The following TRIP12 variants were observed in gnomAD, a reference collection of about 807,000 sequenced individuals.
The protein encoded by TRIP12 is E3 ubiquitin-protein ligase TRIP12.
Under a neutral mutation model 244.2 loss-of-function variants are expected in TRIP12, and 25 were observed. The observed-to-expected ratio is 0.10, with a 90% CI of 0.07 to 0.14. The LOEUF is 0.14. TRIP12 is among the 10% of genes least tolerant of loss of function. The pLI is 1.00. For missense variants in TRIP12, 1,677 were observed against 2,486.4 expected (o/e 0.67, Z 6.92); for synonymous variants, 905 against 873.1 (o/e 1.04, Z -0.64).
At position 229,778,584 on chromosome 2, in the gene TRIP12, C is replaced by T; in HGVS notation, c.5213G>A (p.Ser1738Asn). ...TTGAATATACTTGGTCCCTTCTTGG[C>T]TCCCTGAAAAACAAGCAATGCAGCA... is the stretch of plus-strand genomic sequence containing the variant. Reference protein sequence around the residue: ...EEVTLSNPKGSQEGTKYIQNL... With the variant: ...EEVTLSNPKGNQEGTKYIQNL... The change falls in exon 36 of 42, where the codon AGC (serine) becomes AAC (asparagine). Residue 1738 changes from serine to asparagine, a missense_variant. Physicochemically the swap from Ser to Asn is conservative, Grantham distance 46. Around this residue, in one of 11 missense-constraint regions of TRIP12, gnomAD observed 18 missense variants for 16.8 expected, o/e 1.07. Coordinates refer to ENST00000675903, the MANE Select transcript of TRIP12 (RefSeq NM_001348323.3). The surrounding 1 kb of genome is among the most constrained non-coding windows in gnomAD (Gnocchi z 4.1). The T allele has an allele frequency of 6.2e-7, 1 of 1,609,494 alleles. No individual in the cohort carries two copies. Among genetic ancestry groups the T allele is most frequent in the Non-Finnish European group, 8.5e-7 (1 of 1,177,948 alleles).
At chr2:229,847,825 A>T (rs968225130) in intron 4 of TRIP12, among the ~76,000 whole-genome samples, 2 of 152,204 alleles carry the variant, frequency 1.3e-5, no homozygotes, top group African/African-American at 4.8e-5. Flanking sequence ...TCCTGGTTCC[A>T]GCAAAAAACA....
At position 229,778,716 on chromosome 2, in the gene TRIP12, T is replaced by G; in HGVS notation, c.5210-129A>C. The G allele has an allele frequency of 7.2e-7, 1 of 1,396,690 alleles. No homozygotes were observed. The highest frequency in any genetic ancestry group is 2.3e-5 in the East Asian group (1 of 43,650). The allele number at this position is 1,396,690 out of a possible 1,614,324, so 86.5% of individuals were successfully genotyped here. On this transcript the variant is annotated intron_variant, in intron 35 of 41. Transcript: ENST00000675903. This position sits in a 1 kb window ranked among gnomAD's most constrained non-coding sequence, Gnocchi z 4.1. ...GTGCAGATCACTGAATGAAGTCCTC[T>G]AGAACTGGACAGGCCTTCCCTATTT...
intron 2 of TRIP12, among the ~76,000 whole-genome samples, chr2:229,864,047 A>AGAGAGAGAGAGAGAGTGAGTGTGTGTGT: frequency 1.3e-5 from 1 of 79,292 alleles, no homozygotes; most frequent in Non-Finnish European, 2.5e-5. Flanking sequence ...AGAGAGAGAG[A>AGAGAGAGAGAGAGAGTGAGTGTGTGTGT]GTGTGTGTGT....
intron 4 of TRIP12, among the ~76,000 whole-genome samples, chr2:229,851,569 A>G (rs566336019): frequency 2.6e-5 from 4 of 152,144 alleles, no homozygotes; most frequent in Non-Finnish European, 5.9e-5. Flanking sequence ...CCACACTGGA[A>G]GCTTTGTTCT....
chr2:229,824,407 G>A (rs762036601), intron 8 of TRIP12, among the ~76,000 whole-genome samples: 4 of 151,768 alleles, frequency 2.6e-5, no homozygotes, highest in Middle Eastern at 3.2e-3. Flanking sequence ...CAAAAACATC[G>A]TATGCATTTA....
chr2:229,772,719 C>G (rs1389887697), intron 38 of TRIP12, among the ~76,000 whole-genome samples: 1 of 152,076 alleles, frequency 6.6e-6, no homozygotes, highest in African/African-American at 2.4e-5. Flanking sequence ...GCCTTGGCCT[C>G]CAAAAGTGTT....
chr2:229,902,546 C>CT (rs751041005), intron 1 of TRIP12, among the ~76,000 whole-genome samples: 6 of 152,186 alleles, frequency 3.9e-5, no homozygotes, highest in South Asian at 4.1e-4. Flanking sequence ...CACTCAACTA[C>CT]TTTGAGAAGC....
In TRIP12 at chr2:229,807,622, A is replaced by G. The variant is rs573095949; in HGVS notation, c.2496+86T>C. ...GTTAATTCAAAATCAAGCACATTCA[A>G]ATCCACATATCCACCTCCCCATTCC... is the stretch of plus-strand genomic sequence containing the variant. On this transcript the variant is annotated intron_variant, in intron 17 of 41. Coordinates refer to ENST00000675903, the MANE Select transcript of TRIP12 (RefSeq NM_001348323.3). The G allele has an allele frequency of 1.1e-4, 159 of 1,502,072 alleles. No homozygotes were observed. The East Asian group carries it at 3.1e-3, about 30-fold the overall frequency. The allele number at this position is 1,502,072 out of a possible 1,614,324, so 93.0% of individuals were successfully genotyped here.
intron 2 of TRIP12, among the ~76,000 whole-genome samples, chr2:229,863,097 C>T (rs1458462460): frequency 2.6e-5 from 4 of 151,818 alleles, no homozygotes; most frequent in South Asian, 2.1e-4. Flanking sequence ...GGCATGGTGG[C>T]GCACACCTGT....
At chr2:229,892,199 G>A (rs781426723) in intron 1 of TRIP12, among the ~76,000 whole-genome samples, 10 of 152,214 alleles carry the variant, frequency 6.6e-5, no homozygotes, top group South Asian at 6.2e-4. Context: ...GGAAGGAGTA[G>A]AGGATAATGG....
chr2:229,787,436 C>A (rs528549948), intron 33 of TRIP12, 69 bp downstream of exon 33: 530 of 1,516,640 alleles, frequency 3.5e-4, no homozygotes, highest in Non-Finnish European at 4.5e-4. Context: ...TTTAGATATA[C>A]TACATTTCTA....
chr2:229,822,192 T>C (rs2050251320), intron 8 of TRIP12, among the ~76,000 whole-genome samples: 1 of 152,134 alleles, frequency 6.6e-6, no homozygotes, highest in Non-Finnish European at 1.5e-5. Flanking sequence ...AGTAAGAAGT[T>C]TTGATAAGAT....
intron 32 of TRIP12, among the ~76,000 whole-genome samples, chr2:229,788,371 ACTGT>A (rs2040598137): frequency 6.6e-6 from 1 of 152,032 alleles, no homozygotes; most frequent in Admixed American, 6.5e-5. Context: ...TGTGGAAAAA[ACTGT>A]CTTCCATGAA....
Position 229,818,424 on chromosome 2 carries a change from C to A in TRIP12, c.1539G>T (p.Leu513=). ...LQAVIEMCQL[L]VMGNEETLGG... ...CCAGTGTCTCCTCATTTCCCATGAC[C>A]AGTAACTGACACATCTCAATAACTG... The change falls in exon 9 of 42, where the codon CTG becomes CTT. Residue 513 remains leucine, a synonymous_variant. Transcript: ENST00000675903. 1.2e-6 allele frequency: 2 copies of A among 1,614,164 alleles called. 1 individual carries two copies. Among genetic ancestry groups the A allele is most frequent in the South Asian group, 2.2e-5 (2 of 91,090 alleles).
chr2:229,909,089 C>CA (rs11390500), intron 1 of TRIP12, among the ~76,000 whole-genome samples: 87,162 of 110,662 alleles, frequency 0.79, 33,829 homozygotes, highest in East Asian at 0.88. Flanking sequence ...GACTCTGTCT[C>CA]AAAAAAAAAA....
intron 1 of TRIP12, among the ~76,000 whole-genome samples, chr2:229,887,783 C>T (rs2066368832): frequency 6.6e-6 from 1 of 152,156 alleles, no homozygotes; most frequent in African/African-American, 2.4e-5. Context: ...AGAGGCTTAC[C>T]TAGGAATTAT....
chr2:229,883,120 G>T (rs1415910960), intron 1 of TRIP12, among the ~76,000 whole-genome samples: 3 of 152,230 alleles, frequency 2.0e-5, no homozygotes, highest in Non-Finnish European at 4.4e-5. Context: ...GACCCTCGGA[G>T]ATGATCAAGT....
chr2:229,836,491 A>G (rs1490018622), intron 6 of TRIP12, among the ~76,000 whole-genome samples: 1 of 152,242 alleles, frequency 6.6e-6, no homozygotes, highest in Non-Finnish European at 1.5e-5. Context: ...AGGGCTTACA[A>G]AAATTCTAAA....
At position 229,777,398 on chromosome 2, in the gene TRIP12, T is replaced by C. The variant is rs760701397; in HGVS notation, c.5446A>G (p.Ile1816Val). 6.2e-7 allele frequency: 1 copy of C among 1,614,036 alleles called. No individual in the cohort carries two copies. The highest frequency in any genetic ancestry group is 1.1e-5 in the South Asian group (1 of 91,078). ...ACTGATCTGGCTACAACTGGGTCGA[T>C]GTCAAACAAATCGTGTGATGTCAGT... ...TSLTSHDLFDIDPVVARSVYH... is the reference protein window; with the variant it reads ...TSLTSHDLFDVDPVVARSVYH... Residue 1816 changes from isoleucine to valine, a missense_variant, in exon 37 of 42, where the codon ATC becomes GTC. Coordinates refer to ENST00000675903, the MANE Select transcript of TRIP12 (RefSeq NM_001348323.3).
Sources: gnomAD v4.1 joint callset for allele counts (sites outside exome capture counted in the v4.1 genomes callset) on GRCh38, gnomAD v4.1.1 for gene constraint, gnomAD v4.1.1 regional missense constraint, Gnocchi (gnomAD v3.1) non-coding constraint, MANE v1.5 for transcripts, NCBI Gene and HGNC (gene_info 2026-07-23, HGNC 2026-07-21) for gene names.